The following CERT1 variants were observed in gnomAD, a reference collection of about 807,000 sequenced individuals.
The protein encoded by CERT1 is ceramide transporter 1.
In CERT1, 31 loss-of-function variants were observed where a neutral mutation model predicts 87.9. The observed-to-expected ratio is 0.35, with a 90% CI of 0.27 to 0.48. The LOEUF (loss-of-function observed/expected upper bound fraction) is 0.48. Among genes scored for constraint, CERT1 ranks in the 20% least tolerant of loss-of-function variants. The pLI is 0.99. For missense variants in CERT1, 487 were observed against 758.0 expected (o/e 0.64, Z 4.20); for synonymous variants, 289 against 250.9 (o/e 1.15, Z -1.44).
rs77852978 is a variant in CERT1 at position 75,478,403 on chromosome 5, C to T, written c.232-19222G>A. 2.1e-3 allele frequency among the ~76,000 whole-genome samples: 315 copies of T among 151,854 alleles called. 1 individual carries two copies. In the East Asian group the frequency reaches 0.027, roughly 13 times the overall value. ...CAAATTTTAGATATCTGAAAGCAAA[C>T]GAGCAAATTAAGATGTCACAGGTGA... On this transcript the variant is annotated intron_variant, in intron 2 of 16. Transcript: ENST00000643780.
intron 2 of CERT1, among the ~76,000 whole-genome samples, chr5:75,461,524 C>T (rs1408149326): frequency 1.3e-5 from 2 of 152,066 alleles, no homozygotes; most frequent in Non-Finnish European, 2.9e-5. Flanking sequence ...CTGTAAGTAG[C>T]CCAGGAGTTT....
chr5:75,414,570 G>C (rs985935365), intron 7 of CERT1, among the ~76,000 whole-genome samples: 1 of 151,984 alleles, frequency 6.6e-6, no homozygotes, highest in Non-Finnish European at 1.5e-5. Flanking sequence ...AACCATAATT[G>C]CCTAATTTTA....
chr5:75,382,344 T>C (rs1255834774), intron 14 of CERT1, among the ~76,000 whole-genome samples: 2 of 152,202 alleles, frequency 1.3e-5, no homozygotes, highest in Middle Eastern at 3.2e-3. Flanking sequence ...TAGGGTACAA[T>C]TCAGGGACAT....
At chr5:75,379,739 C>T (rs978372048) in intron 16 of CERT1, among the ~76,000 whole-genome samples, 6 of 152,056 alleles carry the variant, frequency 3.9e-5, no homozygotes, top group African/African-American at 1.4e-4. Context: ...GTGCACGCCA[C>T]CATGCCCAGC....
intron 5 of CERT1, among the ~76,000 whole-genome samples, chr5:75,421,880 T>C (rs1350017844): frequency 6.6e-6 from 1 of 152,218 alleles, no homozygotes; most frequent in Non-Finnish European, 1.5e-5. Flanking sequence ...TCATTTGCTC[T>C]AGATTTGACC....
At chr5:75,458,633 C>A (rs1765099837) in intron 3 of CERT1, among the ~76,000 whole-genome samples, 1 of 151,750 alleles carries the variant, frequency 6.6e-6, no homozygotes, top group Admixed American at 6.6e-5. Context: ...CTTACCGCAA[C>A]CTCTGCCTCC....
intron 14 of CERT1, among the ~76,000 whole-genome samples, chr5:75,383,848 A>G (rs1761681205): frequency 6.6e-6 from 1 of 152,148 alleles, no homozygotes; most frequent in Admixed American, 6.5e-5. Flanking sequence ...TGCTATACAC[A>G]TTATGTTATT....
At chr5:75,498,524 A>G (rs916204705) in intron 2 of CERT1, among the ~76,000 whole-genome samples, 1 of 152,222 alleles carries the variant, frequency 6.6e-6, no homozygotes, top group Non-Finnish European at 1.5e-5. Context: ...AAAAGGGGTC[A>G]AGGCCACTCT....
At chr5:75,436,358 G>A (rs183748035) in intron 3 of CERT1, among the ~76,000 whole-genome samples, 16 of 152,288 alleles carry the variant, frequency 1.1e-4, no homozygotes, top group African/African-American at 3.6e-4. Context: ...TCTTATGAAA[G>A]AATGAGGTGT....
chr5:75,485,966 G>A (rs1030715123), intron 2 of CERT1, among the ~76,000 whole-genome samples: 4 of 151,990 alleles, frequency 2.6e-5, no homozygotes, highest in African/African-American at 7.2e-5. Flanking sequence ...AAACTATTCC[G>A]AAAAACAGAG....
Position 75,400,271 on chromosome 5 carries a change from A to T in CERT1, c.1044T>A (p.His348Gln). Residue 348 changes from histidine to glutamine, a missense_variant, in exon 10 of 17, where the codon CAT (histidine) becomes CAA (glutamine). By Grantham distance (24) the His-to-Gln change is conservative. Coordinates refer to ENST00000643780, the MANE Select transcript of CERT1 (RefSeq NM_001379029.1). ...CTCCAGAGGGCAAGGATGTAGGCCA[A>T]TGTAATCTCACCTTTTCACTCTGTG... ...EQSQSEKVRLHWPTSLPSGDA... is the reference protein window; with the variant it reads ...EQSQSEKVRLQWPTSLPSGDA... 4.3e-6 allele frequency: 7 copies of T among 1,613,480 alleles called. No individual in the cohort carries two copies. The highest frequency in any genetic ancestry group is 5.9e-6 in the Non-Finnish European group (7 of 1,179,398).
intron 2 of CERT1, among the ~76,000 whole-genome samples, chr5:75,487,011 C>T (rs193055770): frequency 2.1e-4 from 32 of 152,076 alleles, no homozygotes; most frequent in African/African-American, 7.5e-4. Context: ...CCACAAAAGA[C>T]CCAGAATAGC....
At chr5:75,405,016 A>AAAC (rs61610976) in intron 8 of CERT1, among the ~76,000 whole-genome samples, 11,782 of 151,818 alleles carry the variant, frequency 0.078, 552 homozygotes, top group South Asian at 0.17. Context: ...ACTCAGTCTC[A>AAAC]AACAACAACA....
chr5:75,385,377 G>A (rs940329412), intron 13 of CERT1, among the ~76,000 whole-genome samples: 1 of 152,198 alleles, frequency 6.6e-6, no homozygotes, highest in South Asian at 2.1e-4. Flanking sequence ...GGAGGCTGAG[G>A]CAGAAGAATC....
chr5:75,407,068 A>C (rs7722940), intron 8 of CERT1, among the ~76,000 whole-genome samples: 11,909 of 152,200 alleles, frequency 0.078, 1,106 homozygotes, highest in African/African-American at 0.22. Flanking sequence ...GGGAAGTGTA[A>C]AAACAGTTCC....
rs919287116 is a variant in CERT1 at position 75,379,182 on chromosome 5, AAAC to A, written c.*161_*163del. Reference sequence around the variant, plus strand: ...AGGAAACAGAGCAAGACCCTGTTTAAAACAACAACAACGACAACAACAAAAACC... The same window carrying A: ...AGGAAACAGAGCAAGACCCTGTTTAAAACAACAACGACAACAACAAAAACC... On this transcript the variant is annotated 3_prime_UTR_variant, in exon 17 of 17. Coordinates refer to ENST00000643780, the MANE Select transcript of CERT1 (RefSeq NM_001379029.1). 38 of 656,588 alleles carry A rather than the reference AAAC, an allele frequency of 5.8e-5. No individual in the cohort carries two copies. Among genetic ancestry groups the A allele is most frequent in the Admixed American group, 3.9e-4 (13 of 33,612 alleles). The allele number at this position is 656,588 out of a possible 1,614,324, so 40.7% of individuals were successfully genotyped here. A position where few individuals can be genotyped will look rare whatever the true frequency, so the allele number is the denominator to read the frequency against.
intron 3 of CERT1, among the ~76,000 whole-genome samples, chr5:75,441,944 A>G (rs1336909183): frequency 6.6e-6 from 1 of 152,152 alleles, no homozygotes; most frequent in Non-Finnish European, 1.5e-5. Context: ...TCATATGTTA[A>G]TTCCATTTTT....
At chr5:75,394,277 G>A (rs1762158347) in intron 11 of CERT1, among the ~76,000 whole-genome samples, 1 of 152,148 alleles carries the variant, frequency 6.6e-6, no homozygotes, top group South Asian at 2.1e-4. Flanking sequence ...GGAGGCTGAG[G>A]TGGGAAGATC....
intron 2 of CERT1, among the ~76,000 whole-genome samples, chr5:75,503,751 T>C (rs541721061): frequency 1.9e-5 from 1 of 54,012 alleles, no homozygotes; most frequent in South Asian, 6.2e-4. Flanking sequence ...AAGTTATGCA[T>C]GTACATATAG....
Sources: gnomAD v4.1 joint callset for allele counts (sites outside exome capture counted in the v4.1 genomes callset) on GRCh38, gnomAD v4.1.1 for gene constraint, MANE v1.5 for transcripts, NCBI Gene and HGNC (gene_info 2026-07-23, HGNC 2026-07-21) for gene names.